ITCH: variants seen among roughly 807,000 people sequenced by gnomAD.
ITCH encodes the protein E3 ubiquitin-protein ligase Itchy homolog.
ITCH carries 28 observed loss-of-function variants against 126.8 expected under a neutral mutation model. That is an observed-to-expected ratio of 0.22 (90% CI 0.16 to 0.30). The LOEUF is 0.30. Ranked by LOEUF, ITCH falls within the 10% of genes least tolerant of loss-of-function variation. The pLI, the probability that ITCH is intolerant of heterozygous loss-of-function variation, is 1.00. For missense variants in ITCH, 631 were observed against 1,032.4 expected (o/e 0.61, Z 5.33); for synonymous variants, 342 against 340.0 (o/e 1.01, Z -0.06).
intron 23 of ITCH, among the ~76,000 whole-genome samples, 192 bp downstream of exon 23, chr20:34,492,789 A>G (rs1038045706): frequency 6.6e-6 from 1 of 152,238 alleles, no homozygotes; most frequent in Non-Finnish European, 1.5e-5. Flanking sequence ...TTTAACCCTC[A>G]AGCTAGAACC....
intron 3 of ITCH, among the ~76,000 whole-genome samples, chr20:34,394,311 T>TATAG (rs1568885306): frequency 6.6e-6 from 1 of 151,962 alleles, no homozygotes; most frequent in African/African-American, 2.4e-5. Context: ...AATGAAGATA[T>TATAG]ATAGATATGT....
intron 6 of ITCH, among the ~76,000 whole-genome samples, chr20:34,421,743 C>A (rs949634999): frequency 1.2e-4 from 19 of 152,100 alleles, no homozygotes; most frequent in African/African-American, 4.3e-4. Context: ...CATGGTGGCT[C>A]ACACCTGTAA....
chr20:34,484,146 ACTATAT>A (rs1988951715), intron 20 of ITCH, among the ~76,000 whole-genome samples: 1 of 152,206 alleles, frequency 6.6e-6, no homozygotes, highest in Non-Finnish European at 1.5e-5. Context: ...ACAGAGCCAA[ACTATAT>A]CATAAGGTTG....
At chr20:34,505,349 A>G (rs1019940770) in intron 24 of ITCH, among the ~76,000 whole-genome samples, 11 of 151,892 alleles carry the variant, frequency 7.2e-5, no homozygotes, top group African/African-American at 2.4e-4. Context: ...TGGCCTGTTC[A>G]GTGATTTTAG....
At chr20:34,493,790 TA>T (rs1340661470) in intron 23 of ITCH, among the ~76,000 whole-genome samples, 1 of 152,026 alleles carries the variant, frequency 6.6e-6, no homozygotes, top group Non-Finnish European at 1.5e-5. Flanking sequence ...ATATATGAGT[TA>T]GAGTTAAGAG....
chr20:34,387,024 C>T (rs979616132), intron 2 of ITCH, among the ~76,000 whole-genome samples: 11 of 151,970 alleles, frequency 7.2e-5, no homozygotes, highest in Non-Finnish European at 1.5e-4. Context: ...ATTTATAGGC[C>T]GGGTGTGATG....
chr20:34,438,173 A>G (rs1983263092), intron 7 of ITCH, among the ~76,000 whole-genome samples: 1 of 152,204 alleles, frequency 6.6e-6, no homozygotes, highest in African/African-American at 2.4e-5. Flanking sequence ...TCCTGTTCAT[A>G]TAGGGCCTTC....
In ITCH at chr20:34,510,738, G is replaced by T. The variant is rs2146594531; in HGVS notation, c.*2944G>T. ...TACAATAACTCTATTTAAAATTCAGGTATTGTACTCGGGAGGCTGAGGTGG... is the reference window on the plus strand; with the variant it reads ...TACAATAACTCTATTTAAAATTCAGTTATTGTACTCGGGAGGCTGAGGTGG... On this transcript the variant is annotated 3_prime_UTR_variant, in exon 25 of 25. Transcript: ENST00000374864. 1 of 151,932 alleles carries T rather than the reference G, an allele frequency of 6.6e-6. No individual in the cohort carries two copies. Among genetic ancestry groups the T allele is most frequent in the African/African-American group, 2.4e-5 (1 of 41,442 alleles). The allele number at this position is 151,932 out of a possible 1,614,324, so 9.4% of individuals were successfully genotyped here. A position where few individuals can be genotyped will look rare whatever the true frequency, so the allele number is the denominator to read the frequency against.
intron 2 of ITCH, among the ~76,000 whole-genome samples, chr20:34,382,752 T>C (rs2038115230): frequency 6.8e-6 from 1 of 147,914 alleles, no homozygotes; most frequent in Non-Finnish European, 1.5e-5. Flanking sequence ...ATTATTATTA[T>C]TATTATTTTG....
At chr20:34,426,848 C>T (rs1981597943) in intron 7 of ITCH, among the ~76,000 whole-genome samples, 1 of 151,882 alleles carries the variant, frequency 6.6e-6, no homozygotes, top group South Asian at 2.1e-4. Context: ...AATTTTGGCT[C>T]TCTACAACCT....
At chr20:34,414,194 G>C (rs1052360789) in intron 6 of ITCH, among the ~76,000 whole-genome samples, 2 of 150,450 alleles carry the variant, frequency 1.3e-5, no homozygotes, top group African/African-American at 4.9e-5. Flanking sequence ...AATAGACATT[G>C]ATCACTTTAA....
At chr20:34,473,859 T>A (rs1262155335) in intron 16 of ITCH, among the ~76,000 whole-genome samples, 6 of 152,228 alleles carry the variant, frequency 3.9e-5, no homozygotes, top group African/African-American at 1.2e-4. Flanking sequence ...TCGTAATTTC[T>A]CCAGTTTCAG....
At chr20:34,392,085 A>C (rs985109442) in intron 2 of ITCH, among the ~76,000 whole-genome samples, 1 of 152,180 alleles carries the variant, frequency 6.6e-6, no homozygotes, top group Non-Finnish European at 1.5e-5. Flanking sequence ...TTCTATGGCA[A>C]TCAGGCTTTT....
rs566559203 is a variant in ITCH, at chr20:34,465,848, GAAAACAGAT to G, written c.1424+3630_1424+3638del. 9.9e-4 allele frequency among the ~76,000 whole-genome samples: 151 copies of G among 152,132 alleles called. 1 individual carries two copies. In the Middle Eastern group the frequency reaches 0.014, roughly 14 times the overall value. On this transcript the variant is annotated intron_variant, in intron 14 of 24. Coordinates refer to ENST00000374864, the MANE Select transcript of ITCH (RefSeq NM_031483.7). Reference sequence around the variant, plus strand: ...TTCTTCGTAAAAGATCTTAGCTTCTGAAAACAGATAAGTTTTCTTCTTCCCAATTTGGGT... The same window carrying G: ...TTCTTCGTAAAAGATCTTAGCTTCTGAAGTTTTCTTCTTCCCAATTTGGGT...
intron 24 of ITCH, among the ~76,000 whole-genome samples, chr20:34,506,152 C>T (rs1260998819): frequency 6.6e-6 from 1 of 152,136 alleles, no homozygotes; most frequent in African/African-American, 2.4e-5. Flanking sequence ...CACCCTCCAC[C>T]TCCCGGGCTC....
At chr20:34,428,703 C>T (rs1268390186) in intron 7 of ITCH, among the ~76,000 whole-genome samples, 5 of 152,134 alleles carry the variant, frequency 3.3e-5, no homozygotes, top group Non-Finnish European at 7.4e-5. Flanking sequence ...CAGACATGAG[C>T]CACCACGCCC....
At chr20:34,469,232 C>T (rs1486155931) in intron 14 of ITCH, among the ~76,000 whole-genome samples, 3 of 151,894 alleles carry the variant, frequency 2.0e-5, no homozygotes, top group Admixed American at 6.6e-5. Context: ...AACACACACA[C>T]ACACACACAC....
At chr20:34,385,102 C>T (rs1309995958) in intron 2 of ITCH, among the ~76,000 whole-genome samples, 1 of 151,306 alleles carries the variant, frequency 6.6e-6, no homozygotes, top group Non-Finnish European at 1.5e-5. Flanking sequence ...GTAACCTCTG[C>T]CTCTGAGATT....
intron 2 of ITCH, among the ~76,000 whole-genome samples, chr20:34,372,398 T>TTTTTTTTTTTTTTTTTA (rs1568853572): frequency 6.3e-5 from 9 of 142,674 alleles, no homozygotes; most frequent in African/African-American, 8.0e-5. Context: ...TTTTTTTTTT[T>TTTTTTTTTTTTTTTTTA]GAGAGGGAAT....
Sources: allele counts gnomAD v4.1 joint callset (sites outside exome capture counted in the v4.1 genomes callset), GRCh38; gene constraint gnomAD v4.1.1; transcripts MANE v1.5; gene names NCBI Gene and HGNC (gene_info 2026-07-23, HGNC 2026-07-21).